POLR3B: variants seen among roughly 807,000 people sequenced by gnomAD.
POLR3B encodes the protein DNA-directed RNA polymerase III subunit RPC2.
In POLR3B, 96 loss-of-function variants were observed where a neutral mutation model predicts 147.4. The ratio of observed to expected loss-of-function variants is 0.65; its 90% CI spans 0.55 to 0.77. The LOEUF is 0.77. Ranked by LOEUF, POLR3B falls within the 30% of genes least tolerant of loss-of-function variation. POLR3B has a pLI of 0.00. For synonymous variants in POLR3B, 461 were observed against 485.9 expected (o/e 0.95, Z 0.67); for missense variants, 1,036 against 1,413.5 (o/e 0.73, Z 4.28).
chr12:106,410,867 A>C lies in POLR3B; in HGVS notation c.1008A>C (p.Ala336=), dbSNP rs2037217134. 1 of 1,613,790 alleles carries C rather than the reference A, an allele frequency of 6.2e-7. No individual in the cohort carries two copies. The highest frequency in any genetic ancestry group is 8.5e-7 in the Non-Finnish European group (1 of 1,179,786). The change falls in exon 12 of 28, where the codon GCA becomes GCC. Residue 336 remains alanine (A), a synonymous_variant. Transcript: ENST00000228347. ...FNFRAKCIYT[A]VMVRRVILAQ... Reference sequence around the variant, plus strand: ...TCCGAGCCAAATGTATCTATACTGCAGTGATGGTGCGAAGAGTTATTCTGG... The same window carrying C: ...TCCGAGCCAAATGTATCTATACTGCCGTGATGGTGCGAAGAGTTATTCTGG...
intron 4 of POLR3B, among the ~76,000 whole-genome samples, chr12:106,367,927 T>G (rs901778333): frequency 4.6e-5 from 7 of 152,220 alleles, no homozygotes; most frequent in Non-Finnish European, 1.0e-4. Flanking sequence ...AACCTTTATT[T>G]CTATCATTCC....
At chr12:106,461,019 C>T (rs1013358901) in intron 22 of POLR3B, among the ~76,000 whole-genome samples, 1 of 152,084 alleles carries the variant, frequency 6.6e-6, no homozygotes, top group Non-Finnish European at 1.5e-5. Context: ...TGGCCTCTTA[C>T]CTACCTCCTC....
rs2036662735 is a variant in POLR3B at position 106,375,302 on chromosome 12, T to C, written c.405-1057T>C. Among the ~76,000 whole-genome samples the C allele has an allele frequency of 2.0e-5, 3 of 152,226 alleles. No individual in the cohort carries two copies. In the South Asian group the frequency reaches 6.2e-4, roughly 31 times the overall value. On this transcript the variant is annotated intron_variant, in intron 6 of 27. Transcript: ENST00000228347. ...GGTGTTTAGTATCTTGACTGTGATCTGCTTAGGTGTAGCTTTCTTTTTATC... is the reference window on the plus strand; with the variant it reads ...GGTGTTTAGTATCTTGACTGTGATCCGCTTAGGTGTAGCTTTCTTTTTATC...
chr12:106,397,432 A>AT (rs1205098661), intron 10 of POLR3B, among the ~76,000 whole-genome samples: 3 of 151,880 alleles, frequency 2.0e-5, no homozygotes, highest in Non-Finnish European at 4.4e-5. Context: ...CTACTCTCTG[A>AT]TTTTTTTCCC....
chr12:106,432,829 C>A (rs958228306), intron 15 of POLR3B, among the ~76,000 whole-genome samples: 2 of 152,160 alleles, frequency 1.3e-5, no homozygotes, highest in African/African-American at 4.8e-5. Context: ...ATCAGATCAA[C>A]TCTTATAATG....
At chr12:106,466,876 C>T (rs994169290) in intron 23 of POLR3B, among the ~76,000 whole-genome samples, 3 of 152,160 alleles carry the variant, frequency 2.0e-5, no homozygotes, top group African/African-American at 7.2e-5. Flanking sequence ...AGTTTGAAGT[C>T]AGGTAGCCTG....
At chr12:106,407,015 G>T (rs2037159825) in intron 11 of POLR3B, among the ~76,000 whole-genome samples, 1 of 152,122 alleles carries the variant, frequency 6.6e-6, no homozygotes, top group African/African-American at 2.4e-5. Flanking sequence ...ATCCAGATCC[G>T]ATTTTCCTGT....
chr12:106,479,125 G>A (rs2038225502), intron 23 of POLR3B, among the ~76,000 whole-genome samples: 3 of 152,034 alleles, frequency 2.0e-5, no homozygotes, highest in Admixed American at 2.0e-4. Context: ...GGAGGTTTAA[G>A]TTCCTTCAGT....
chr12:106,404,678 G>A (rs1393180059), intron 10 of POLR3B, among the ~76,000 whole-genome samples: 1 of 152,010 alleles, frequency 6.6e-6, no homozygotes, highest in African/African-American at 2.4e-5. Context: ...TCAGCATTAT[G>A]TATTTTCTCC....
intron 20 of POLR3B, among the ~76,000 whole-genome samples, chr12:106,456,193 T>G (rs1019222701): frequency 2.0e-5 from 3 of 152,134 alleles, no homozygotes; most frequent in Non-Finnish European, 4.4e-5. Context: ...ATCAGGAAAT[T>G]ATAGTGTTGA....
intron 12 of POLR3B, among the ~76,000 whole-genome samples, chr12:106,425,945 T>C (rs2037428390): frequency 6.6e-6 from 1 of 152,202 alleles, no homozygotes; most frequent in African/African-American, 2.4e-5. Flanking sequence ...TTGCTGAGTA[T>C]TTGTTTTTAA....
chr12:106,442,113 T>A (rs1593043680), intron 18 of POLR3B, among the ~76,000 whole-genome samples: 2 of 148,484 alleles, frequency 1.3e-5, no homozygotes, highest in African/African-American at 2.5e-5. Flanking sequence ...AAGAAAGAAA[T>A]CTCCCAATTC....
intron 26 of POLR3B, among the ~76,000 whole-genome samples, chr12:106,502,580 A>T (rs533923176): frequency 2.0e-5 from 3 of 152,238 alleles, no homozygotes; most frequent in Admixed American, 6.5e-5. Context: ...AATGTAGAGA[A>T]GGGGCAAGGA....
intron 27 of POLR3B, among the ~76,000 whole-genome samples, chr12:106,507,459 G>A (rs1334434794): frequency 1.3e-5 from 2 of 152,076 alleles, no homozygotes; most frequent in East Asian, 3.8e-4. Context: ...GTACTAGTCA[G>A]GAGAAGAAGC....
chr12:106,361,471 A>G (rs566097162), intron 1 of POLR3B, among the ~76,000 whole-genome samples: 2 of 152,296 alleles, frequency 1.3e-5, no homozygotes, highest in East Asian at 3.9e-4. Context: ...GTAAGGTATC[A>G]CTGCCCAGTC....
intron 23 of POLR3B, among the ~76,000 whole-genome samples, chr12:106,478,277 A>G (rs1311565657): frequency 2.0e-5 from 3 of 152,216 alleles, no homozygotes; most frequent in Non-Finnish European, 4.4e-5. Context: ...GCGTCTAGGT[A>G]AAACGTCAGG....
intron 10 of POLR3B, among the ~76,000 whole-genome samples, chr12:106,400,677 A>G: frequency 6.6e-6 from 1 of 152,234 alleles, no homozygotes; most frequent in Non-Finnish European, 1.5e-5. Flanking sequence ...AAACTCACTC[A>G]AAACCGCTCA....
intron 23 of POLR3B, among the ~76,000 whole-genome samples, chr12:106,482,581 C>T (rs533962177): frequency 5.1e-4 from 77 of 152,208 alleles, no homozygotes; most frequent in African/African-American, 1.3e-3. Context: ...ATGAGAACAG[C>T]GAGGGGGGAA....
chr12:106,400,169 G>T (rs2136924791), intron 10 of POLR3B, among the ~76,000 whole-genome samples: 1 of 152,264 alleles, frequency 6.6e-6, no homozygotes, highest in African/African-American at 2.4e-5. Flanking sequence ...ACAGAAAAAG[G>T]CAGGGGTTGC....
Sources: gnomAD v4.1 joint callset for allele counts (sites outside exome capture counted in the v4.1 genomes callset) on GRCh38, gnomAD v4.1.1 for gene constraint, MANE v1.5 for transcripts, NCBI Gene and HGNC (gene_info 2026-07-23, HGNC 2026-07-21) for gene names.